Variants in RARB observed in about 807,000 individuals in gnomAD.
RARB encodes the protein retinoic acid receptor beta.
In RARB, 17 loss-of-function variants were observed where a neutral mutation model predicts 51.9. The ratio of observed to expected loss-of-function variants is 0.33; its 90% CI spans 0.22 to 0.49. The LOEUF (loss-of-function observed/expected upper bound fraction) is 0.49. Ranked by LOEUF, RARB falls within the 20% of genes least tolerant of loss-of-function variation. RARB has a pLI of 0.99. For synonymous variants in RARB, 215 were observed against 195.4 expected, an observed-to-expected ratio of 1.10 and a Z score of -0.84; for missense variants, 369 against 550.8, an observed-to-expected ratio of 0.67 and a Z score of 3.30.
chr3:25,144,623 T>G (rs1352167573), intron 4 of RARB, among the ~76,000 whole-genome samples: 5 of 152,234 alleles, frequency 3.3e-5, no homozygotes, highest in African/African-American at 1.2e-4. Flanking sequence ...TAGTGCCAGG[T>G]GCTTAACAAG....
intron 5 of RARB, among the ~76,000 whole-genome samples, chr3:25,337,614 G>A (rs1023117962): frequency 1.2e-4 from 18 of 151,864 alleles, no homozygotes; most frequent in African/African-American, 3.6e-4. Flanking sequence ...AAATCTTTAC[G>A]TGGCTCTTCC....
chr3:25,508,462 T>C (rs1307426201), intron 3 of RARB, among the ~76,000 whole-genome samples: 1 of 152,206 alleles, frequency 6.6e-6, no homozygotes, highest in Non-Finnish European at 1.5e-5. Flanking sequence ...CACCTTTGCT[T>C]GTGCACAAAT....
intron 3 of RARB, among the ~76,000 whole-genome samples, chr3:25,111,476 A>C (rs1699599182): frequency 6.6e-6 from 1 of 152,070 alleles, no homozygotes. Flanking sequence ...ATCATTTCTG[A>C]AATGCCATGC....
chr3:25,529,352 A>G (rs1698796273), intron 3 of RARB, among the ~76,000 whole-genome samples: 1 of 152,306 alleles, frequency 6.6e-6, no homozygotes, highest in African/African-American at 2.4e-5. Context: ...ACAATGAAAT[A>G]CTATACAACA....
At chr3:25,309,364 C>A (rs1704231038) in intron 5 of RARB, among the ~76,000 whole-genome samples, 2 of 150,956 alleles carry the variant, frequency 1.3e-5, no homozygotes, top group Non-Finnish European at 1.5e-5. Flanking sequence ...TGGTCTCGAT[C>A]TCCTGACCTC....
chr3:25,025,841 T>C (rs1697736122), intron 2 of RARB, among the ~76,000 whole-genome samples: 1 of 152,192 alleles, frequency 6.6e-6, no homozygotes, highest in East Asian at 1.9e-4. Context: ...AGTGTCAGTT[T>C]GCAAAACGCA....
In RARB at chr3:25,516,227, A is replaced by G. The variant is rs1356144600; in HGVS notation, c.448+14904A>G. Among the ~76,000 whole-genome samples the G allele has an allele frequency of 5.9e-5, 9 of 152,176 alleles. No homozygotes were observed. In the East Asian group the frequency reaches 1.7e-3, roughly 29 times the overall value. On this transcript the variant is annotated intron_variant, in intron 3 of 7. Coordinates refer to ENST00000330688, the MANE Select transcript of RARB (RefSeq NM_000965.5). ...AAATTAACAGGCCAGGGATTTCTTTACAACTTGTTATATTTGAAAAATTAT... is the reference window on the plus strand; with the variant it reads ...AAATTAACAGGCCAGGGATTTCTTTGCAACTTGTTATATTTGAAAAATTAT...
chr3:25,367,281 C>T (rs895906562), intron 5 of RARB, among the ~76,000 whole-genome samples: 6 of 152,164 alleles, frequency 3.9e-5, no homozygotes, highest in African/African-American at 1.4e-4. Flanking sequence ...TCCTCTGGCA[C>T]CCAGCATAAT....
intron 2 of RARB, among the ~76,000 whole-genome samples, chr3:25,002,676 A>G (rs1293816786): frequency 2.0e-5 from 3 of 152,264 alleles, no homozygotes; most frequent in Non-Finnish European, 2.9e-5. Flanking sequence ...TTGCATGTGT[A>G]TATATAGTAA....
chr3:25,225,106 T>C (rs1241240578), intron 5 of RARB, among the ~76,000 whole-genome samples: 1 of 152,176 alleles, frequency 6.6e-6, no homozygotes, highest in Non-Finnish European at 1.5e-5. Context: ...CGGGGTGCCC[T>C]TACCACTAGA....
chr3:25,349,311 C>T (rs543005379), intron 5 of RARB, among the ~76,000 whole-genome samples: 1 of 152,310 alleles, frequency 6.6e-6, no homozygotes, highest in East Asian at 1.9e-4. Flanking sequence ...TCTGTTTGAA[C>T]AAGACTTTGT....
At chr3:24,848,062 A>G (rs1050303878) in intron 1 of RARB, among the ~76,000 whole-genome samples, 2 of 152,158 alleles carry the variant, frequency 1.3e-5, no homozygotes, top group Non-Finnish European at 2.9e-5. Flanking sequence ...AGGCTTTTTA[A>G]ATTTTTAAAA....
intron 2 of RARB, among the ~76,000 whole-genome samples, chr3:25,030,253 C>T (rs1300887720): frequency 1.3e-5 from 2 of 152,236 alleles, no homozygotes; most frequent in Non-Finnish European, 2.9e-5. Flanking sequence ...TGCCCTTACA[C>T]ATGTTAAAGC....
chr3:25,306,817 T>C (rs1203755843), intron 5 of RARB, among the ~76,000 whole-genome samples: 1 of 152,190 alleles, frequency 6.6e-6, no homozygotes, highest in Non-Finnish European at 1.5e-5. Flanking sequence ...AACATGCTGA[T>C]AGTGGGATGG....
At chr3:25,291,680 T>A (rs1477881089) in intron 5 of RARB, among the ~76,000 whole-genome samples, 1 of 152,120 alleles carries the variant, frequency 6.6e-6, no homozygotes, top group Non-Finnish European at 1.5e-5. Flanking sequence ...AGGCACAACA[T>A]GCTTCTTTAG....
chr3:25,426,211 C>G (rs1707980998), upstream of RARB, among the ~76,000 whole-genome samples: 1 of 152,168 alleles, frequency 6.6e-6, no homozygotes, highest in South Asian at 2.1e-4. Context: ...CCTCTGTGTT[C>G]TCTTGCTTAA....
intron 1 of RARB, among the ~76,000 whole-genome samples, chr3:24,846,012 G>A (rs146551466): frequency 5.3e-5 from 8 of 152,284 alleles, no homozygotes; most frequent in Non-Finnish European, 1.0e-4. Context: ...ACCACAGGAG[G>A]AGCTGAGATG....
chr3:24,986,862 G>C (rs1008110394), intron 2 of RARB, among the ~76,000 whole-genome samples: 1 of 152,062 alleles, frequency 6.6e-6, no homozygotes, highest in African/African-American at 2.4e-5. Context: ...GCAGAAAAGC[G>C]AACCTCAACA....
At chr3:24,946,278 AAAG>A (rs1695772673) in intron 2 of RARB, among the ~76,000 whole-genome samples, 1 of 140,402 alleles carries the variant, frequency 7.1e-6, no homozygotes, top group Non-Finnish European at 1.6e-5. Flanking sequence ...AAAAAAAAAA[AAAG>A]AAATCACTGA....
Sources: allele counts gnomAD v4.1 joint callset (sites outside exome capture counted in the v4.1 genomes callset), GRCh38; gene constraint gnomAD v4.1.1; transcripts MANE v1.5; gene names NCBI Gene and HGNC (gene_info 2026-07-23, HGNC 2026-07-21).